TP53AIP1: variants seen among roughly 807,000 people sequenced by gnomAD.
The protein encoded by TP53AIP1 is tumor protein p53 regulated apoptosis inducing protein 1.
In TP53AIP1, 14 loss-of-function variants were observed where a neutral mutation model predicts 9.5. The observed-to-expected ratio is 1.47, with a 90% CI of 0.97 to 2.30. The LOEUF (loss-of-function observed/expected upper bound fraction) is 2.30. Ranked by LOEUF, TP53AIP1 falls within the 30% of genes most tolerant of loss-of-function variation. TP53AIP1 has a pLI of 0.00. For missense variants in TP53AIP1, 153 were observed against 146.7 expected (o/e 1.04, Z -0.22); for synonymous variants, 73 against 61.2 (o/e 1.19, Z -0.90).
chr11:128,935,995 T>G (rs1439765950), intron 3 of TP53AIP1: 1 of 931,824 alleles, frequency 1.1e-6, no homozygotes, highest in Admixed American at 4.6e-5. Flanking sequence ...GTACAGGTGC[T>G]GTTCTTAGCA....
In TP53AIP1 at chr11:128,939,666, G is replaced by C. The variant is rs1944903450; in HGVS notation, c.-76-1772C>G. On this transcript the variant is annotated intron_variant, in intron 1 of 3. Coordinates refer to ENST00000531399, the MANE Select transcript of TP53AIP1 (RefSeq NM_022112.3). This position sits in a 1 kb window ranked among gnomAD's most constrained non-coding sequence, Gnocchi z 4.1. ...AACCCGAAACTGTCGGATTCTCTAA[G>C]AGGTCCGTCACAACCCATCTTAATG... Among the ~76,000 whole-genome samples, 3 of 152,194 alleles carry C rather than the reference G, an allele frequency of 2.0e-5. No homozygotes were observed. The highest frequency in any genetic ancestry group is 7.2e-5 in the African/African-American group (3 of 41,444).
At chr11:128,942,522 C>A (rs949948686) in intron 1 of TP53AIP1, among the ~76,000 whole-genome samples, 2 of 152,172 alleles carry the variant, frequency 1.3e-5, no homozygotes, top group Non-Finnish European at 2.9e-5. Flanking sequence ...CATTTTTGGC[C>A]CCAACCTGCA....
rs199572019 is a variant in TP53AIP1 at position 128,936,498 on chromosome 11, C to T, written c.253+40G>A. ...GACATCAAATCACTTAATTCTATCA[C>T]GGCCCACACCCATGAATTCACTAAG... On this transcript the variant is annotated intron_variant, in intron 3 of 3. Transcript: ENST00000531399. 318 of 1,512,790 alleles carry T rather than the reference C, an allele frequency of 2.1e-4. 1 individual carries two copies. Among genetic ancestry groups the T allele is most frequent in the Non-Finnish European group, 2.5e-4 (281 of 1,137,240 alleles). The allele number at this position is 1,512,790 out of a possible 1,614,324, so 93.7% of individuals were successfully genotyped here.
intron 3 of TP53AIP1, 94 bp downstream of exon 3, chr11:128,936,444 C>A: frequency 7.0e-7 from 1 of 1,433,872 alleles, no homozygotes; most frequent in Non-Finnish European, 9.1e-7. Flanking sequence ...CTCAAAAAAC[C>A]CTATGTCGTT....
rs897297869 is a variant in TP53AIP1 at position 128,939,123 on chromosome 11, T to C, written c.-76-1229A>G. On this transcript the variant is annotated intron_variant, in intron 1 of 3. Transcript: ENST00000531399. This position sits in a 1 kb window ranked among gnomAD's most constrained non-coding sequence, Gnocchi z 4.1. ...CCAAACTCAGAAGGCATTTACCCAA[T>C]GCTGCACGTTACGAAAATGTAAAAG... Among the ~76,000 whole-genome samples the C allele has an allele frequency of 6.6e-6, 1 of 152,184 alleles. No individual in the cohort carries two copies. The highest frequency in any genetic ancestry group is 1.5e-5 in the Non-Finnish European group (1 of 68,042).
intron 1 of TP53AIP1, among the ~76,000 whole-genome samples, chr11:128,941,602 T>A (rs994768750): frequency 7.9e-5 from 12 of 152,234 alleles, no homozygotes; most frequent in African/African-American, 2.9e-4. Context: ...CAGGGGCCTC[T>A]CCCCGGTTCC....
Position 128,936,591 on chromosome 11 carries a change from G to C in TP53AIP1, c.200C>G (p.Ala67Gly). The C allele has an allele frequency of 6.3e-7, 1 of 1,588,582 alleles. No homozygotes were observed. Among genetic ancestry groups the C allele is most frequent in the East Asian group, 2.2e-5 (1 of 44,588 alleles). Reference sequence around the variant, plus strand: ...CCAAGATCCAGACGAGACTGACAGAGCTTCTATTCCCCGGCACCCTCCGTG... The same window carrying C: ...CCAAGATCCAGACGAGACTGACAGACCTTCTATTCCCCGGCACCCTCCGTG... The part of the protein sequence containing the change: ...QVHGGCRGIE[A>G]LSVSSGSWSS... Residue 67 changes from alanine (A) to glycine (G), a missense_variant, in exon 3 of 4, where the codon GCT becomes GGT. By Grantham distance (60) the Ala-to-Gly change is moderately conservative. Transcript: ENST00000531399.
At position 128,935,370 on chromosome 11, in the gene TP53AIP1, T is replaced by C. The variant is rs117095134; in HGVS notation, c.*221A>G. 2.1e-6 allele frequency: 3 copies of C among 1,411,376 alleles called. No homozygotes were observed. The highest frequency in any genetic ancestry group is 2.8e-6 in the Non-Finnish European group (3 of 1,088,532). 87.4% of individuals were successfully genotyped at this position (1,411,376 alleles called of 1,614,324 possible). A position where few individuals can be genotyped will look rare whatever the true frequency, so the allele number is the denominator to read the frequency against. ...GATTGGAATGCAAACTTCACAAGAATTTTTTTCCAGCTTTTATTTCAGATT... is the reference window on the plus strand; with the variant it reads ...GATTGGAATGCAAACTTCACAAGAACTTTTTTCCAGCTTTTATTTCAGATT... On this transcript the variant is annotated 3_prime_UTR_variant, in exon 4 of 4. Coordinates refer to ENST00000531399, the MANE Select transcript of TP53AIP1 (RefSeq NM_022112.3).
rs568322296 is a variant in TP53AIP1, at chr11:128,940,139, A to G, written c.-76-2245T>C. 3.9e-5 allele frequency among the ~76,000 whole-genome samples: 6 copies of G among 152,314 alleles called. No homozygotes were observed. The East Asian group carries it at 1.2e-3, about 29-fold the overall frequency. ...GGAACCAACTTGCCCTCCCTGGTCT[A>G]TTATCACAAAGAACCTTGGAGCCCC... is the stretch of plus-strand genomic sequence containing the variant. On this transcript the variant is annotated intron_variant, in intron 1 of 3. Transcript: ENST00000531399.
At chr11:128,935,813 G>T (rs1944811331) in intron 3 of TP53AIP1, 101 bp from the exon 4 acceptor site, 2 of 1,371,686 alleles carry the variant, frequency 1.5e-6, no homozygotes, top group African/African-American at 2.9e-5. Context: ...CAACAATAAT[G>T]AATTTCAGTG....
downstream of TP53AIP1, chr11:128,935,170 T>C (rs1041835066): frequency 1.6e-5 from 16 of 976,290 alleles, no homozygotes; most frequent in Non-Finnish European, 2.5e-5. Flanking sequence ...CTGGTTGGCA[T>C]CAGCAGCATC....
chr11:128,936,699 G>C, intron 2 of TP53AIP1, 50 bp from the exon 3 acceptor site: 1 of 1,530,854 alleles, frequency 6.5e-7, no homozygotes, highest in Non-Finnish European at 8.7e-7. Context: ...CCGTCTCTTG[G>C]ATGGTTTATT....
intron 1 of TP53AIP1, among the ~76,000 whole-genome samples, chr11:128,940,294 T>G (rs1392144224): frequency 6.6e-6 from 1 of 152,148 alleles, no homozygotes; most frequent in Non-Finnish European, 1.5e-5. Context: ...CAAGCTGCTT[T>G]TGGCCCCGTC....
intron 3 of TP53AIP1, 142 bp downstream of exon 3, chr11:128,936,396 T>C: frequency 1.4e-6 from 2 of 1,420,650 alleles, no homozygotes; most frequent in Non-Finnish European, 1.8e-6. Context: ...TGCCATGATG[T>C]CATTTTGTCA....
intron 3 of TP53AIP1, 151 bp from the exon 4 acceptor site, chr11:128,935,863 T>C: frequency 7.4e-7 from 1 of 1,348,290 alleles, no homozygotes; most frequent in Non-Finnish European, 9.5e-7. Flanking sequence ...ATCATTATTC[T>C]ATCTCCCAAG....
chr11:128,937,499 C>G lies in TP53AIP1; in HGVS notation c.141+179G>C, dbSNP rs1340832364. On this transcript the variant is annotated intron_variant, in intron 2 of 3. Transcript: ENST00000531399. The surrounding 1 kb of genome is among the most constrained non-coding windows in gnomAD (Gnocchi z 4.8). ...GACTATTGATCAGGGCTGTCAGTTC[C>G]CAGCTCTGTCCAATGCTCTGAACTG... 6.3e-7 allele frequency: 1 copy of G among 1,589,460 alleles called. No homozygotes were observed. Among genetic ancestry groups the G allele is most frequent in the Admixed American group, 1.7e-5 (1 of 58,626 alleles).
rs1944893551 is a variant in TP53AIP1 at position 128,939,122 on chromosome 11, A to G, written c.-76-1228T>C. ...ACCAAACTCAGAAGGCATTTACCCA[A>G]TGCTGCACGTTACGAAAATGTAAAA... On this transcript the variant is annotated intron_variant, in intron 1 of 3. Transcript: ENST00000531399. This position sits in a 1 kb window ranked among gnomAD's most constrained non-coding sequence, Gnocchi z 4.1. Among the ~76,000 whole-genome samples the G allele has an allele frequency of 6.6e-6, 1 of 152,156 alleles. No homozygotes were observed. The highest frequency in any genetic ancestry group is 1.5e-5 in the Non-Finnish European group (1 of 68,032).
chr11:128,942,209 C>T (rs1565333267), intron 1 of TP53AIP1, among the ~76,000 whole-genome samples: 1 of 152,184 alleles, frequency 6.6e-6, no homozygotes, highest in Non-Finnish European at 1.5e-5. Context: ...CCATGACATG[C>T]CCGCTGTGCC....
chr11:128,935,434 A>G lies in TP53AIP1; in HGVS notation c.*157T>C. ...GGATGCAAAATGAGGCAACCTAGCC[A>G]CCCAACTGGCCCAGTGGTCAAGGGG... On this transcript the variant is annotated 3_prime_UTR_variant, in exon 4 of 4. Coordinates refer to ENST00000531399, the MANE Select transcript of TP53AIP1 (RefSeq NM_022112.3). 1 of 1,418,426 alleles carries G rather than the reference A, an allele frequency of 7.1e-7. No individual in the cohort carries two copies. Among genetic ancestry groups the G allele is most frequent in the South Asian group, 1.6e-5 (1 of 61,348 alleles). 87.9% of individuals were successfully genotyped at this position (1,418,426 alleles called of 1,614,324 possible).
Sources: gnomAD v4.1 joint callset for allele counts (sites outside exome capture counted in the v4.1 genomes callset) on GRCh38, gnomAD v4.1.1 for gene constraint, Gnocchi (gnomAD v3.1) non-coding constraint, MANE v1.5 for transcripts, NCBI Gene and HGNC (gene_info 2026-07-23, HGNC 2026-07-21) for gene names.